Variants in CSMD1 observed in about 807,000 individuals in gnomAD.
CSMD1 encodes CUB and Sushi multiple domains 1.
Under a neutral mutation model 417.5 loss-of-function variants are expected in CSMD1, and 213 were observed. The ratio of observed to expected loss-of-function variants is 0.51; its 90% CI spans 0.46 to 0.57. CSMD1 has a LOEUF of 0.57. Among genes scored for constraint, CSMD1 ranks in the 20% least tolerant of loss-of-function variants. The pLI, the probability that CSMD1 is intolerant of heterozygous loss-of-function variation, is 0.00. For synonymous variants in CSMD1, 2,862 were observed against 1,736.8 expected (o/e 1.65, Z -16.11); for missense variants, 6,923 against 4,529.7 (o/e 1.53, Z -15.17).
At chr8:3,917,266 G>T (rs114911293) in intron 5 of CSMD1, among the ~76,000 whole-genome samples, 1 of 152,128 alleles carries the variant, frequency 6.6e-6, no homozygotes, top group Non-Finnish European at 1.5e-5. Flanking sequence ...TTGAATGCAT[G>T]AACGAACTGA....
intron 2 of CSMD1, among the ~76,000 whole-genome samples, chr8:4,625,791 T>A (rs1231888454): frequency 6.6e-6 from 1 of 152,152 alleles, no homozygotes; most frequent in Non-Finnish European, 1.5e-5. Context: ...TGGTATGATC[T>A]CAGCTCATTC....
chr8:3,509,152 G>C (rs1323771129), intron 10 of CSMD1, among the ~76,000 whole-genome samples: 2 of 152,112 alleles, frequency 1.3e-5, no homozygotes, highest in Non-Finnish European at 2.9e-5. Flanking sequence ...CAGTAGATAA[G>C]GTCAACTCAA....
At chr8:4,386,567 A>G (rs967872872) in intron 3 of CSMD1, among the ~76,000 whole-genome samples, 9 of 152,220 alleles carry the variant, frequency 5.9e-5, no homozygotes, top group African/African-American at 1.4e-4. Context: ...AGTAAGACCT[A>G]TAAGAGAGAA....
At chr8:4,006,403 G>T (rs910587121) in intron 4 of CSMD1, among the ~76,000 whole-genome samples, 1 of 152,150 alleles carries the variant, frequency 6.6e-6, no homozygotes, top group African/African-American at 2.4e-5. Flanking sequence ...AAATAGCTGG[G>T]TGTGGTGGTC....
At chr8:3,732,205 A>G (rs1298092075) in intron 6 of CSMD1, among the ~76,000 whole-genome samples, 3 of 151,844 alleles carry the variant, frequency 2.0e-5, no homozygotes, top group African/African-American at 7.3e-5. Flanking sequence ...TTCCGAGAGG[A>G]CTCTATCAAT....
At chr8:4,417,333 C>G (rs1211983268) in intron 3 of CSMD1, among the ~76,000 whole-genome samples, 3 of 151,882 alleles carry the variant, frequency 2.0e-5, no homozygotes, top group East Asian at 1.9e-4. Context: ...GTAAATAAAG[C>G]CTATTCCAAA....
intron 3 of CSMD1, among the ~76,000 whole-genome samples, chr8:4,269,154 T>G (rs1383257465): frequency 1.3e-5 from 2 of 152,162 alleles, no homozygotes; most frequent in Non-Finnish European, 2.9e-5. Context: ...TCTCCTGGGT[T>G]TAAACCATGG....
intron 23 of CSMD1, 63 bp downstream of exon 23, chr8:3,343,231 C>A (rs1283948305): frequency 2.0e-5 from 28 of 1,400,222 alleles, no homozygotes; most frequent in Non-Finnish European, 2.8e-5. Context: ...TTAATATAAG[C>A]CAAGTATCAG....
chr8:4,151,019 G>A (rs1044327605), intron 3 of CSMD1, among the ~76,000 whole-genome samples: 2 of 152,146 alleles, frequency 1.3e-5, no homozygotes, highest in Non-Finnish European at 1.5e-5. Flanking sequence ...GAGAAATTGT[G>A]TCCCATATGC....
chr8:3,634,062 G>C (rs1459850409), intron 7 of CSMD1, among the ~76,000 whole-genome samples: 1 of 152,058 alleles, frequency 6.6e-6, no homozygotes, highest in Non-Finnish European at 1.5e-5. Context: ...CAGCACATCT[G>C]GGTAGGGGGT....
chr8:3,344,650 T>C (rs1807870583), intron 22 of CSMD1, among the ~76,000 whole-genome samples: 2 of 152,112 alleles, frequency 1.3e-5, no homozygotes, highest in African/African-American at 4.8e-5. Flanking sequence ...CTAAATAAAA[T>C]TAAACAGAGT....
chr8:3,302,246 C>T (rs1382472026), intron 25 of CSMD1, among the ~76,000 whole-genome samples: 1 of 152,122 alleles, frequency 6.6e-6, no homozygotes, highest in Non-Finnish European at 1.5e-5. Flanking sequence ...CATTTTATCT[C>T]TTGTGCTTTT....
chr8:4,917,388 A>T (rs112217313), intron 1 of CSMD1, among the ~76,000 whole-genome samples: 7 of 152,186 alleles, frequency 4.6e-5, no homozygotes, highest in Non-Finnish European at 7.3e-5. Context: ...TAACCCCAGC[A>T]CTTTGGGAGG....
chr8:3,805,661 G>T (rs973032599), intron 5 of CSMD1, among the ~76,000 whole-genome samples: 1 of 151,998 alleles, frequency 6.6e-6, no homozygotes, highest in South Asian at 2.1e-4. Flanking sequence ...AGGCAAGTTG[G>T]GTATTTGATT....
intron 25 of CSMD1, among the ~76,000 whole-genome samples, chr8:3,297,625 C>T (rs780064540): frequency 3.7e-4 from 56 of 152,138 alleles, no homozygotes; most frequent in Non-Finnish European, 6.2e-4. Context: ...TGTGACACTT[C>T]AGTCTCCATA....
chr8:4,318,423 G>A (rs572981156), intron 3 of CSMD1, among the ~76,000 whole-genome samples: 1 of 152,152 alleles, frequency 6.6e-6, no homozygotes, highest in Non-Finnish European at 1.5e-5. Context: ...GTGTGAGAAA[G>A]AGTAATATTG....
chr8:4,747,696 C>G (rs1006466439), intron 1 of CSMD1, among the ~76,000 whole-genome samples: 1 of 152,100 alleles, frequency 6.6e-6, no homozygotes, highest in African/African-American at 2.4e-5. Flanking sequence ...GCTTTTCCAC[C>G]TACCATCATC....
At chr8:4,117,665 T>C (rs905768954) in intron 3 of CSMD1, among the ~76,000 whole-genome samples, 1 of 152,140 alleles carries the variant, frequency 6.6e-6, no homozygotes, top group Admixed American at 6.5e-5. Flanking sequence ...GGGTGCCAAA[T>C]AGACAGACTG....
intron 3 of CSMD1, among the ~76,000 whole-genome samples, chr8:4,406,327 AAC>A (rs1277665971): frequency 4.6e-5 from 7 of 152,158 alleles, no homozygotes; most frequent in African/African-American, 1.7e-4. Context: ...TTGTGAATTC[AAC>A]ACACTCAAAA....
Sources: gnomAD v4.1 joint callset for allele counts (sites outside exome capture counted in the v4.1 genomes callset) on GRCh38, gnomAD v4.1.1 for gene constraint, MANE v1.5 for transcripts, NCBI Gene and HGNC (gene_info 2026-07-23, HGNC 2026-07-21) for gene names.